PEX11G: variants seen among roughly 807,000 people sequenced by gnomAD.
PEX11G encodes peroxisomal biogenesis factor 11 gamma.
A neutral mutation model predicts 22.5 loss-of-function variants in PEX11G; 20 were observed. The ratio of observed to expected loss-of-function variants is 0.89; its 90% CI spans 0.62 to 1.29. The LOEUF is 1.29. Among genes scored for constraint, PEX11G ranks in the 50% most tolerant of loss-of-function variants. The pLI is 0.00. For synonymous variants in PEX11G, 141 were observed against 154.5 expected (o/e 0.91, Z 0.65); for missense variants, 347 against 331.3 (o/e 1.05, Z -0.37).
chr19:7,486,350 CT>C (rs1431336205), intron 1 of PEX11G, among the ~76,000 whole-genome samples: 2 of 152,102 alleles, frequency 1.3e-5, no homozygotes, highest in Non-Finnish European at 2.9e-5. Flanking sequence ...TGGTCTCAAA[CT>C]CATAACCTCA....
chr19:7,490,389 C>T (rs911831391), upstream of PEX11G, among the ~76,000 whole-genome samples: 5 of 151,638 alleles, frequency 3.3e-5, no homozygotes, highest in African/African-American at 9.7e-5. Context: ...GGCACGATCT[C>T]GGCTCACTGC....
chr19:7,479,895 G>A (rs1161184127), intron 3 of PEX11G, among the ~76,000 whole-genome samples: 1 of 152,150 alleles, frequency 6.6e-6, no homozygotes, highest in Non-Finnish European at 1.5e-5. Flanking sequence ...AGTCGGGGAG[G>A]CTGTGTGTGG....
intron 3 of PEX11G, among the ~76,000 whole-genome samples, chr19:7,481,399 A>C (rs144111855): frequency 6.6e-6 from 1 of 152,102 alleles, no homozygotes; most frequent in Non-Finnish European, 1.5e-5. Flanking sequence ...ACAGGGTTTC[A>C]CCATGTTGGC....
At chr19:7,489,089 A>G (rs2021807341), upstream of PEX11G, 3 of 1,385,824 alleles carry the variant, frequency 2.2e-6, no homozygotes, top group East Asian at 2.9e-5. Flanking sequence ...GGAGCGCCCC[A>G]AAGGCTTGCG....
intron 2 of PEX11G, 50 bp from the exon 3 acceptor site, chr19:7,482,261 C>CATTTT: frequency 6.7e-7 from 1 of 1,490,724 alleles, no homozygotes. Flanking sequence ...ACCCACTGCC[C>CATTTT]ATTTTAGCAC....
intron 1 of PEX11G, among the ~76,000 whole-genome samples, chr19:7,486,233 T>G (rs1189280277): frequency 6.6e-6 from 1 of 152,018 alleles, no homozygotes; most frequent in Non-Finnish European, 1.5e-5. Context: ...TTCAAGCAAT[T>G]CTTGTGCCTC....
intron 3 of PEX11G, among the ~76,000 whole-genome samples, chr19:7,481,204 A>G (rs1977473949): frequency 6.6e-6 from 1 of 151,408 alleles, no homozygotes; most frequent in Non-Finnish European, 1.5e-5. Context: ...TAAGCTAAGG[A>G]TTTTTTCTTT....
At position 7,478,447 on chromosome 19, in the gene PEX11G, C is replaced by T. The variant is rs763137667; in HGVS notation, c.429-71G>A. 20 of 1,487,066 alleles carry T rather than the reference C, an allele frequency of 1.3e-5. No homozygotes were observed. The East Asian group carries it at 1.4e-4, about 11-fold the overall frequency. The allele number at this position is 1,487,066 out of a possible 1,614,324, so 92.1% of individuals were successfully genotyped here. On this transcript the variant is annotated intron_variant, in intron 3 of 4. Transcript: ENST00000221480. ...AGGGTTAGCTCCACAACGCTGGCCC[C>T]GGACATACAGTCTGGGACAGGTGCT...
chr19:7,483,814 C>G (rs1599216745), intron 2 of PEX11G, among the ~76,000 whole-genome samples: 1 of 152,062 alleles, frequency 6.6e-6, no homozygotes, highest in South Asian at 2.1e-4. Flanking sequence ...CAGGGAGGGG[C>G]AGGACGCTGA....
chr19:7,478,260 CCCACG>C (rs1320704050), intron 4 of PEX11G, 49 bp downstream of exon 4: 17 of 1,579,074 alleles, frequency 1.1e-5, no homozygotes, highest in Non-Finnish European at 1.2e-5. Context: ...GAGCCGGGAT[CCCACG>C]CCTGCTGGAG....
chr19:7,478,310 C>G lies in PEX11G; in HGVS notation c.491+4G>C. ...CTCCCTGCTGGGTGATCACGGGCTCCTACCTGGTGAAGGGCGCCGTGGGGC... is the reference window on the plus strand; with the variant it reads ...CTCCCTGCTGGGTGATCACGGGCTCGTACCTGGTGAAGGGCGCCGTGGGGC... On this transcript the variant is annotated splice_donor_region_variant and intron_variant, in intron 4 of 4. Coordinates refer to ENST00000221480, the MANE Select transcript of PEX11G (RefSeq NM_080662.4). 6.2e-7 allele frequency: 1 copy of G among 1,610,588 alleles called. No individual in the cohort carries two copies. The highest frequency in any genetic ancestry group is 1.1e-5 in the South Asian group (1 of 90,470).
At chr19:7,490,643 T>A (rs1251628950), upstream of PEX11G, among the ~76,000 whole-genome samples, 1 of 36,998 alleles carries the variant, frequency 2.7e-5, no homozygotes, top group Admixed American at 2.1e-4. Flanking sequence ...CTGGCCTCTA[T>A]TTTTTTTTTT....
intron 3 of PEX11G, 99 bp downstream of exon 3, chr19:7,481,934 G>A (rs1010822701): frequency 3.2e-5 from 39 of 1,218,660 alleles, no homozygotes; most frequent in Middle Eastern, 2.9e-4. Flanking sequence ...AAGACCCACC[G>A]CAGTCTGAAG....
At position 7,477,272 on chromosome 19, in the gene PEX11G, G is replaced by C. The variant is rs763705036; in HGVS notation, c.656C>G (p.Thr219Ser). Residue 219 changes from threonine to serine, a missense_variant, in exon 5 of 5, where the codon ACC becomes AGC. Thr to Ser is a moderately conservative substitution (Grantham distance 58). Transcript: ENST00000221480. ...GTACATGCTGAGGATTGAGGAGATGGTGCCCATGAGGCCCACTAGCCACGG... is the reference window on the plus strand; with the variant it reads ...GTACATGCTGAGGATTGAGGAGATGCTGCCCATGAGGCCCACTAGCCACGG... ...FPPWLVGLMG[T>S]ISSILSMYQA... is the part of the protein sequence containing the mutation. 1.0e-5 allele frequency: 16 copies of C among 1,584,986 alleles called. No homozygotes were observed. Among genetic ancestry groups the C allele is most frequent in the Middle Eastern group, 1.7e-4 (1 of 6,012 alleles).
upstream of PEX11G, chr19:7,489,098 C>G (rs867070489): frequency 3.5e-5 from 48 of 1,354,584 alleles, no homozygotes; most frequent in Middle Eastern, 5.4e-4. Context: ...CAAAGGCTTG[C>G]GCGCAGGCGC....
intron 3 of PEX11G, among the ~76,000 whole-genome samples, chr19:7,481,224 G>A (rs544240254): frequency 3.3e-5 from 5 of 152,094 alleles, no homozygotes; most frequent in South Asian, 4.2e-4. Flanking sequence ...TTTTTGACAC[G>A]GAATCTTGCT....
upstream of PEX11G, among the ~76,000 whole-genome samples, chr19:7,493,320 C>A (rs964305204): frequency 2.7e-5 from 4 of 150,296 alleles, no homozygotes; most frequent in Non-Finnish European, 5.9e-5. Flanking sequence ...AGCCTCCCAA[C>A]CAGCTGGGAT....
At chr19:7,489,251 C>G (rs750777572), upstream of PEX11G, 7 of 1,236,950 alleles carry the variant, frequency 5.7e-6, no homozygotes, top group African/African-American at 1.1e-4. Flanking sequence ...TTCTGCCCCA[C>G]GGCGGTTTGG....
rs1218106338 is a variant in PEX11G at position 7,477,351 on chromosome 19, C to G, written c.577G>C (p.Ala193Pro). The G allele has an allele frequency of 1.9e-6, 3 of 1,555,338 alleles. No individual in the cohort carries two copies. The highest frequency in any genetic ancestry group is 1.7e-4 in the Middle Eastern group (1 of 5,842). ...LSLLSNLADL[A>P]NAVHWLPRGV... Reference sequence around the variant, plus strand: ...CGGGGCAGCCAGTGCACGGCGTTGGCCAGGTCGGCCAGGTTGCTGAGAAGT... The same window carrying G: ...CGGGGCAGCCAGTGCACGGCGTTGGGCAGGTCGGCCAGGTTGCTGAGAAGT... Residue 193 changes from alanine (A) to proline (P), a missense_variant, in exon 5 of 5, where the codon GCC becomes CCC. Physicochemically the swap from Ala to Pro is conservative, Grantham distance 27 (BLOSUM62 -1). Coordinates refer to ENST00000221480, the MANE Select transcript of PEX11G (RefSeq NM_080662.4).
Sources: gnomAD v4.1 joint callset for allele counts (sites outside exome capture counted in the v4.1 genomes callset) on GRCh38, gnomAD v4.1.1 for gene constraint, MANE v1.5 for transcripts, NCBI Gene and HGNC (gene_info 2026-07-23, HGNC 2026-07-21) for gene names.